The following CSTPP1 variants were observed in gnomAD, a reference collection of about 807,000 sequenced individuals.
The protein encoded by CSTPP1 is UPF0705 protein C11orf49.
chr11:46,990,267 C>T, the CSTPP1 span, among the ~76,000 whole-genome samples: 1 of 152,208 alleles, frequency 6.6e-6, no homozygotes, highest in African/African-American at 2.4e-5. Context: ...AGTGTATAAG[C>T]ATCCTCTTTT....
chr11:46,952,366 A>G, the CSTPP1 span, among the ~76,000 whole-genome samples: 1 of 152,256 alleles, frequency 6.6e-6, no homozygotes, highest in Admixed American at 6.5e-5. Context: ...CACATTTCAT[A>G]GGTGAGAACT....
chr11:47,112,678 C>G, the CSTPP1 span, among the ~76,000 whole-genome samples: 1 of 152,092 alleles, frequency 6.6e-6, no homozygotes, highest in Admixed American at 6.6e-5. Context: ...AAGATAAGCT[C>G]CATGAAGGCA....
chr11:46,959,685 T>C, the CSTPP1 span, among the ~76,000 whole-genome samples: 5 of 152,186 alleles, frequency 3.3e-5, no homozygotes, highest in Non-Finnish European at 7.4e-5. Context: ...TTTCTCAGTA[T>C]AGCCACTTAA....
At chr11:47,147,833 T>C in the CSTPP1 span, among the ~76,000 whole-genome samples, 1 of 152,180 alleles carries the variant, frequency 6.6e-6, no homozygotes, top group Admixed American at 6.5e-5. Context: ...ACTGACCTCA[T>C]AGGATTAATA....
the CSTPP1 span, among the ~76,000 whole-genome samples, chr11:47,103,215 T>C: frequency 6.6e-6 from 1 of 151,694 alleles, no homozygotes; most frequent in African/African-American, 2.4e-5. Context: ...CTGGGCAACA[T>C]AGTGAGACCT....
At chr11:47,110,890 C>CT in the CSTPP1 span, among the ~76,000 whole-genome samples, 2,538 of 125,438 alleles carry the variant, frequency 0.02, 50 homozygotes, top group Non-Finnish European at 0.025. Context: ...GAGAACACAT[C>CT]TTTTTTTTTT....
At chr11:46,987,318 C>A in the CSTPP1 span, 7 of 1,609,350 alleles carry the variant, frequency 4.3e-6, 1 homozygote, top group South Asian at 7.7e-5. Context: ...ATAGTAAGTA[C>A]ATGAATGTTG....
chr11:47,138,384 G>T, the CSTPP1 span, among the ~76,000 whole-genome samples: 1 of 152,222 alleles, frequency 6.6e-6, no homozygotes, highest in African/African-American at 2.4e-5. Flanking sequence ...TTCGGGTTGA[G>T]ATTTAGGTGG....
At chr11:46,973,941 T>G in the CSTPP1 span, among the ~76,000 whole-genome samples, 3 of 152,164 alleles carry the variant, frequency 2.0e-5, no homozygotes, top group Non-Finnish European at 4.4e-5. Flanking sequence ...ACTTGCAGTT[T>G]TGGCCAGTCA....
At chr11:46,982,772 A>T in the CSTPP1 span, among the ~76,000 whole-genome samples, 1 of 152,196 alleles carries the variant, frequency 6.6e-6, no homozygotes, top group Admixed American at 6.5e-5. Flanking sequence ...TAGTCTAAAC[A>T]TCTTGGTTTG....
At chr11:46,941,932 G>A in the CSTPP1 span, among the ~76,000 whole-genome samples, 1 of 152,140 alleles carries the variant, frequency 6.6e-6, no homozygotes, top group Non-Finnish European at 1.5e-5. Context: ...GTAAATTACA[G>A]GGATACCTAT....
the CSTPP1 span, among the ~76,000 whole-genome samples, chr11:47,085,982 G>A: frequency 2.1e-4 from 32 of 151,688 alleles, no homozygotes; most frequent in Non-Finnish European, 4.0e-4. Flanking sequence ...GATGGGGGTC[G>A]GGGATGGATA....
chr11:47,098,977 C>A, the CSTPP1 span, among the ~76,000 whole-genome samples: 1 of 151,872 alleles, frequency 6.6e-6, no homozygotes, highest in African/African-American at 2.4e-5. Context: ...GAGGTTGGAC[C>A]ACAGTATTGT....
chr11:47,102,155 A>G, the CSTPP1 span, among the ~76,000 whole-genome samples: 2 of 152,184 alleles, frequency 1.3e-5, no homozygotes, highest in African/African-American at 2.4e-5. Flanking sequence ...AAATAGGATT[A>G]TTGTAAAAAG....
At chr11:46,947,264 C>G in the CSTPP1 span, among the ~76,000 whole-genome samples, 1 of 152,190 alleles carries the variant, frequency 6.6e-6, no homozygotes, top group Non-Finnish European at 1.5e-5. Context: ...TGGAATTACC[C>G]TTGTAAACTA....
At chr11:47,034,939 T>G in the CSTPP1 span, among the ~76,000 whole-genome samples, 2 of 152,248 alleles carry the variant, frequency 1.3e-5, no homozygotes, top group Non-Finnish European at 2.9e-5. Context: ...TGGCATTAAA[T>G]TCTCCAGCTT....
the CSTPP1 span, chr11:47,052,550 CCTTCCTTCCTTCCTTT>C: frequency 1.2e-5 from 19 of 1,602,448 alleles, no homozygotes; most frequent in African/African-American, 5.4e-5. Flanking sequence ...TTCCTTCCTT[CCTTCCTTCCTTCCTTT>C]CTTCCTTCCT....
chr11:47,159,850 C>CA, the CSTPP1 span: 1 of 365,736 alleles, frequency 2.7e-6, no homozygotes, highest in Non-Finnish European at 5.4e-6. Context: ...ACTGAAAATA[C>CA]AAAATTAGCC....
the CSTPP1 span, among the ~76,000 whole-genome samples, chr11:47,037,372 C>T: frequency 9.6e-6 from 1 of 103,914 alleles, no homozygotes; most frequent in East Asian, 2.2e-4. Context: ...TTGGTTCTGG[C>T]AACAATTATT....
Sources: gnomAD v4.1 joint callset for allele counts (sites outside exome capture counted in the v4.1 genomes callset) on GRCh38, gnomAD v4.1.1 for gene constraint, MANE v1.5 for transcripts, NCBI Gene and HGNC (gene_info 2026-07-23, HGNC 2026-07-21) for gene names.